PKNOX2: variants seen among roughly 807,000 people sequenced by gnomAD.
The protein encoded by PKNOX2 is PBX/knotted 1 homeobox 2.
A neutral mutation model predicts 53.1 loss-of-function variants in PKNOX2; 14 were observed. The ratio of observed to expected loss-of-function variants is 0.26; its 90% CI spans 0.17 to 0.41. PKNOX2 has a LOEUF of 0.41. Among genes scored for constraint, PKNOX2 ranks in the 10% least tolerant of loss-of-function variants. The probability of loss-of-function intolerance (pLI) is 1.00; values close to 1 mark genes in which losing one functional copy is unlikely to be tolerated. For synonymous variants in PKNOX2, 257 were observed against 242.8 expected (o/e 1.06, Z -0.54); for missense variants, 496 against 602.8 (o/e 0.82, Z 1.85).
intron 2 of PKNOX2, among the ~76,000 whole-genome samples, chr11:125,303,114 C>T (rs894023238): frequency 6.6e-6 from 1 of 152,220 alleles, no homozygotes; most frequent in Admixed American, 6.5e-5. Context: ...ATTCCCATCA[C>T]ACAGACCACT....
intron 2 of PKNOX2, among the ~76,000 whole-genome samples, chr11:125,306,569 A>G (rs1193238087): frequency 6.6e-6 from 1 of 152,270 alleles, no homozygotes; most frequent in Non-Finnish European, 1.5e-5. Context: ...TGATCCATGC[A>G]TTAACATTAA....
At chr11:125,233,689 C>T (rs970508090) in intron 1 of PKNOX2, among the ~76,000 whole-genome samples, 7 of 152,176 alleles carry the variant, frequency 4.6e-5, no homozygotes, top group African/African-American at 7.2e-5. Context: ...GACTTTGCCT[C>T]GAGGAAGTCA....
chr11:125,305,582 G>T (rs911278098), intron 2 of PKNOX2, among the ~76,000 whole-genome samples: 1 of 152,154 alleles, frequency 6.6e-6, no homozygotes, highest in African/African-American at 2.4e-5. Flanking sequence ...GCCACTCAGC[G>T]CACGGCACCC....
chr11:125,166,073 G>A lies in PKNOX2; in HGVS notation c.-201+1297G>A, dbSNP rs1954853621. On this transcript the variant is annotated intron_variant, in intron 1 of 12. Transcript: ENST00000298282. This position sits in a 1 kb window ranked among gnomAD's most constrained non-coding sequence, Gnocchi z 4.0. ...GGCTGGGTTTTAGGACCAGTCTAGA[G>A]TTCGGTTTATAGGATCCAGACTGTT... Among the ~76,000 whole-genome samples, 1 of 152,112 alleles carries A rather than the reference G, an allele frequency of 6.6e-6. No individual in the cohort carries two copies. Among genetic ancestry groups the A allele is most frequent in the Non-Finnish European group, 1.5e-5 (1 of 68,022 alleles).
At chr11:125,249,064 A>G (rs1318151949) in intron 2 of PKNOX2, among the ~76,000 whole-genome samples, 3 of 109,772 alleles carry the variant, frequency 2.7e-5, no homozygotes, top group Non-Finnish European at 6.0e-5. Context: ...TATAATATAT[A>G]TAACACATAT....
chr11:125,411,430 G>T (rs1412032704), intron 9 of PKNOX2: 1 of 431,444 alleles, frequency 2.3e-6, no homozygotes, highest in Non-Finnish European at 4.3e-6. Context: ...ATCTTCTCCT[G>T]TTCTCTCTGC....
At chr11:125,182,492 C>T (rs1170938638) in intron 1 of PKNOX2, among the ~76,000 whole-genome samples, 2 of 152,210 alleles carry the variant, frequency 1.3e-5, no homozygotes, top group African/African-American at 2.4e-5. Context: ...TAACTTGAGC[C>T]TCAGTGTCCT....
chr11:125,168,785 A>G (rs1045391189), intron 1 of PKNOX2, among the ~76,000 whole-genome samples: 65 of 152,348 alleles, frequency 4.3e-4, no homozygotes, highest in African/African-American at 1.4e-3. Flanking sequence ...AGAGCAGGGG[A>G]AAATTAGATG....
At chr11:125,353,165 G>A (rs1163092584) in intron 4 of PKNOX2, among the ~76,000 whole-genome samples, 1 of 152,224 alleles carries the variant, frequency 6.6e-6, no homozygotes, top group Non-Finnish European at 1.5e-5. Context: ...GAAGAATGGG[G>A]AACAGAGATG....
chr11:125,400,556 C>G (rs112343098), intron 7 of PKNOX2, among the ~76,000 whole-genome samples: 1 of 152,124 alleles, frequency 6.6e-6, no homozygotes, highest in South Asian at 2.1e-4. Context: ...CCTGGGTGGG[C>G]CAATCTGACT....
chr11:125,321,337 G>A (rs778221295), intron 2 of PKNOX2, among the ~76,000 whole-genome samples: 8 of 152,220 alleles, frequency 5.3e-5, no homozygotes, highest in Non-Finnish European at 1.0e-4. Context: ...CCACAGATAC[G>A]AAAATTCACA....
intron 2 of PKNOX2, among the ~76,000 whole-genome samples, chr11:125,285,863 G>A (rs1233927446): frequency 6.6e-6 from 1 of 152,172 alleles, no homozygotes; most frequent in Admixed American, 6.5e-5. Flanking sequence ...CCATGCCCTT[G>A]AGGCTCTTTC....
chr11:125,371,108 G>C (rs894895412), intron 5 of PKNOX2, among the ~76,000 whole-genome samples: 2 of 152,218 alleles, frequency 1.3e-5, no homozygotes, highest in Non-Finnish European at 2.9e-5. Flanking sequence ...TGGGGTGGGG[G>C]ACGGAGGGCA....
At chr11:125,204,601 G>C (rs945841780) in intron 1 of PKNOX2, among the ~76,000 whole-genome samples, 4 of 152,174 alleles carry the variant, frequency 2.6e-5, no homozygotes, top group Non-Finnish European at 4.4e-5. Flanking sequence ...TGGGGAAGTC[G>C]ATGGCTCTAA....
chr11:125,261,427 A>G (rs1944835919), intron 2 of PKNOX2, among the ~76,000 whole-genome samples: 1 of 152,214 alleles, frequency 6.6e-6, no homozygotes, highest in Admixed American at 6.5e-5. Context: ...GCAATGTGCA[A>G]TTCAGGGTGC....
At chr11:125,187,021 T>C (rs1345681523) in intron 1 of PKNOX2, among the ~76,000 whole-genome samples, 1 of 152,220 alleles carries the variant, frequency 6.6e-6, no homozygotes, top group African/African-American at 2.4e-5. Flanking sequence ...AACGTGGCCA[T>C]AGCTGTTTGG....
chr11:125,219,715 T>A (rs1437721944), intron 1 of PKNOX2, among the ~76,000 whole-genome samples: 2 of 152,258 alleles, frequency 1.3e-5, no homozygotes, highest in African/African-American at 4.8e-5. Context: ...GGGATACCAT[T>A]ATTCATTTAT....
At position 125,431,311 on chromosome 11, in the gene PKNOX2, G is replaced by A. The variant is rs756119810; in HGVS notation, c.1338G>A (p.Glu446=). The A allele has an allele frequency of 6.2e-7, 1 of 1,613,620 alleles. No individual in the cohort carries two copies. Among genetic ancestry groups the A allele is most frequent in the Admixed American group, 1.7e-5 (1 of 59,992 alleles). ...ATGAGATGGAAGAGGAGGAGGAGGAGGAGCTGGAGGAGGAGGTCGACGAGC... is the reference window on the plus strand; with the variant it reads ...ATGAGATGGAAGAGGAGGAGGAGGAAGAGCTGGAGGAGGAGGTCGACGAGC... ...DEDEMEEEEE[E]ELEEEVDELQ... is the part of the protein sequence containing the mutation. Residue 446 remains glutamate, a synonymous_variant, in exon 13 of 13, where the codon GAG becomes GAA. Transcript: ENST00000298282.
intron 6 of PKNOX2, among the ~76,000 whole-genome samples, chr11:125,388,409 C>T (rs73027824): frequency 0.015 from 2,276 of 152,190 alleles, 24 homozygotes; most frequent in Non-Finnish European, 0.024. Context: ...TACTGCGCAG[C>T]CGAGCAGGGA....
Sources: gnomAD v4.1 joint callset for allele counts (sites outside exome capture counted in the v4.1 genomes callset) on GRCh38, gnomAD v4.1.1 for gene constraint, Gnocchi (gnomAD v3.1) non-coding constraint, MANE v1.5 for transcripts, NCBI Gene and HGNC (gene_info 2026-07-23, HGNC 2026-07-21) for gene names.